The following CDHR4 variants were observed in gnomAD, a reference collection of about 807,000 sequenced individuals.
CDHR4 encodes cadherin-related family member 4.
In CDHR4, 89 loss-of-function variants were observed where a neutral mutation model predicts 88.4. The observed-to-expected ratio is 1.01, with a 90% CI of 0.85 to 1.20. The LOEUF (loss-of-function observed/expected upper bound fraction) is 1.20. CDHR4 is among the 50% of genes most tolerant of loss of function. The probability of loss-of-function intolerance (pLI) is 0.00; values close to 1 mark genes in which losing one functional copy is unlikely to be tolerated. For missense variants in CDHR4, 914 were observed against 1,007.2 expected, an observed-to-expected ratio of 0.91 and a Z score of 1.25; for synonymous variants, 368 against 399.2, an observed-to-expected ratio of 0.92 and a Z score of 0.93.
chr3:49,792,817 C>G, intron 14 of CDHR4, 37 bp downstream of exon 14: 16 of 1,502,592 alleles, frequency 1.1e-5, no homozygotes, highest in Non-Finnish European at 1.3e-5. Context: ...AAGGTCCACC[C>G]TTCCCACCCT....
upstream of CDHR4, chr3:49,799,944 C>A (rs532219593): frequency 4.7e-4 from 376 of 797,996 alleles, no homozygotes; most frequent in Non-Finnish European, 5.8e-4. Context: ...AGATTCTATC[C>A]CCACCCATCC....
chr3:49,794,052 C>T (rs2081227527), intron 10 of CDHR4, 46 bp from the exon 11 acceptor site: 12 of 1,533,114 alleles, frequency 7.8e-6, no homozygotes, highest in Non-Finnish European at 1.1e-5. Flanking sequence ...GGTAACTATC[C>T]CTGAACTGGG....
At position 49,797,946 on chromosome 3, in the gene CDHR4, G is replaced by A. The variant is rs1410527514; in HGVS notation, c.495+880C>T. Among the ~76,000 whole-genome samples, 13 of 119,006 alleles carry A rather than the reference G, an allele frequency of 1.1e-4. No homozygotes were observed. The South Asian group carries it at 3.1e-3, about 28-fold the overall frequency. 78.1% of individuals were successfully genotyped at this position (119,006 alleles called of 152,430 possible). On this transcript the variant is annotated intron_variant, in intron 4 of 18. Coordinates refer to ENST00000412678, the MANE Select transcript of CDHR4 (RefSeq NM_001007540.4). ...TTTTTTTGAGACAGAGTCTTGTTCTGTCACCCAGCCTGGAGCAGTGGCACA... is the reference window on the plus strand; with the variant it reads ...TTTTTTTGAGACAGAGTCTTGTTCTATCACCCAGCCTGGAGCAGTGGCACA...
At chr3:49,793,392 C>T (rs1339698756) in intron 12 of CDHR4, 81 bp from the exon 13 acceptor site, 1 of 1,494,744 alleles carries the variant, frequency 6.7e-7, no homozygotes, top group East Asian at 2.5e-5. Context: ...CTTCTCACCA[C>T]AGCCGTAGCC....
chr3:49,797,253 C>T (rs1024510908), intron 4 of CDHR4, among the ~76,000 whole-genome samples: 2 of 150,776 alleles, frequency 1.3e-5, no homozygotes, highest in Admixed American at 1.3e-4. Context: ...TTCTTTCCTT[C>T]TCTCTTCCTC....
intron 4 of CDHR4, 138 bp from the exon 5 acceptor site, chr3:49,797,170 C>T (rs927248874): frequency 3.0e-5 from 18 of 591,716 alleles, no homozygotes; most frequent in Middle Eastern, 4.3e-4. Context: ...TTCCTTCTTT[C>T]CTTTCTTTCC....
Position 49,792,625 on chromosome 3 carries a change from A to G in CDHR4, c.1996-15T>C. On this transcript the variant is annotated splice_polypyrimidine_tract_variant and intron_variant, in intron 14 of 18. Coordinates refer to ENST00000412678, the MANE Select transcript of CDHR4 (RefSeq NM_001007540.4). ...GTTGAGGGCACCTGAAAAGGAGGCC[A>G]CAGCCTCACCACTGCCTTGCCAAAA... is the stretch of plus-strand genomic sequence containing the variant. The G allele has an allele frequency of 1.3e-6, 2 of 1,551,504 alleles. No individual in the cohort carries two copies. Among genetic ancestry groups the G allele is most frequent in the East Asian group, 2.4e-5 (1 of 40,918 alleles).
intron 4 of CDHR4, 35 bp downstream of exon 4, chr3:49,798,791 A>G (rs1215518832): frequency 6.3e-7 from 1 of 1,593,026 alleles, no homozygotes; most frequent in Admixed American, 1.7e-5. Context: ...CCCCACCCCC[A>G]TCCTGTCACC....
upstream of CDHR4, among the ~76,000 whole-genome samples, chr3:49,801,945 A>G (rs2081366490): frequency 6.6e-6 from 1 of 152,076 alleles, no homozygotes; most frequent in East Asian, 1.9e-4. Context: ...TCCTCATCAC[A>G]CCAAGAACAA....
chr3:49,794,437 C>T (rs764799055), intron 10 of CDHR4, among the ~76,000 whole-genome samples, 171 bp downstream of exon 10: 1 of 151,644 alleles, frequency 6.6e-6, no homozygotes, highest in Non-Finnish European at 1.5e-5. Context: ...AAAGGGAGGG[C>T]AGAAGCCTTC....
rs757219790 is a variant in CDHR4 at position 49,792,939 on chromosome 3, G to C, written c.1910C>G (p.Pro637Arg). 3.2e-6 allele frequency: 5 copies of C among 1,551,566 alleles called. No individual in the cohort carries two copies. The highest frequency in any genetic ancestry group is 1.4e-5 in the African/African-American group (1 of 73,054). ...AATGGTGGCTGTGGTGCTGAGGTGG[G>C]GGGTGGAGGGGCCTGCATCGGCCAC... is the stretch of plus-strand genomic sequence containing the variant. ...ICVADAGPST[P>R]HLSTTATIIV... Residue 637 changes from proline (P) to arginine (R), a missense_variant, in exon 14 of 19, where the codon CCC becomes CGC. Pro to Arg is a moderately radical substitution (Grantham distance 103, BLOSUM62 -2). Coordinates refer to ENST00000412678, the MANE Select transcript of CDHR4 (RefSeq NM_001007540.4).
intron 1 of CDHR4, 135 bp downstream of exon 1, chr3:49,799,629 A>G: frequency 4.7e-6 from 5 of 1,068,434 alleles, no homozygotes; most frequent in Non-Finnish European, 6.8e-6. Flanking sequence ...GGCCAAGAGA[A>G]GGGGTGAGGG....
rs1253502394 is a variant in CDHR4, at chr3:49,792,464, C to G, written c.2138+4G>C. On this transcript the variant is annotated splice_donor_region_variant and intron_variant, in intron 15 of 18. Coordinates refer to ENST00000412678, the MANE Select transcript of CDHR4 (RefSeq NM_001007540.4). ...AGTAGGGAGCACAAGGATAGGATCC[C>G]TACCCCTGGAGGAGCCTGCCAAGAA... 1.9e-6 allele frequency: 3 copies of G among 1,551,444 alleles called. No homozygotes were observed. Among genetic ancestry groups the G allele is most frequent in the Non-Finnish European group, 2.6e-6 (3 of 1,146,916 alleles).
At position 49,797,042 on chromosome 3, in the gene CDHR4, C is replaced by A. The variant is rs565151775; in HGVS notation, c.496-10G>T. 4.8e-5 allele frequency: 74 copies of A among 1,550,204 alleles called. No individual in the cohort carries two copies. The highest frequency in any genetic ancestry group is 6.5e-5 in the Non-Finnish European group (74 of 1,145,810). ...CACTGATAATGCTCATCTGACAGAA[C>A]AGAGATGCTGGCAACCACATTCAGC... is the stretch of plus-strand genomic sequence containing the variant. On this transcript the variant is annotated splice_polypyrimidine_tract_variant and intron_variant, in intron 4 of 18. Coordinates refer to ENST00000412678, the MANE Select transcript of CDHR4 (RefSeq NM_001007540.4).
intron 5 of CDHR4, 139 bp from the exon 6 acceptor site, chr3:49,796,185 C>T: frequency 6.8e-6 from 4 of 592,282 alleles, no homozygotes; most frequent in Admixed American, 3.4e-5. Flanking sequence ...CCCATGATCC[C>T]CATGACCTGT....
chr3:49,791,673 C>A, intron 17 of CDHR4, 41 bp downstream of exon 17: 2 of 1,547,386 alleles, frequency 1.3e-6, no homozygotes, highest in Middle Eastern at 1.7e-4. Context: ...TACTCTGAAG[C>A]ACCCTTGGTG....
At chr3:49,802,563 A>G (rs961942509), upstream of CDHR4, among the ~76,000 whole-genome samples, 1 of 151,966 alleles carries the variant, frequency 6.6e-6, no homozygotes, top group Non-Finnish European at 1.5e-5. Flanking sequence ...ATTCCCTGGT[A>G]TTTTCCTGTT....
intron 15 of CDHR4, 90 bp from the exon 16 acceptor site, chr3:49,792,049 G>GTTGTTCCCAATATAAA: frequency 1.5e-6 from 2 of 1,316,042 alleles, no homozygotes; most frequent in East Asian, 2.5e-5. Context: ...CTTTATATTG[G>GTTGTTCCCAATATAAA]GAACAACCAA....
chr3:49,801,761 C>A (rs1422869931), upstream of CDHR4, among the ~76,000 whole-genome samples: 1 of 152,208 alleles, frequency 6.6e-6, no homozygotes, highest in African/African-American at 2.4e-5. Flanking sequence ...CCAAAACATA[C>A]CCCAAAGTGA....
Sources: allele counts gnomAD v4.1 joint callset (sites outside exome capture counted in the v4.1 genomes callset), GRCh38; gene constraint gnomAD v4.1.1; transcripts MANE v1.5; gene names NCBI Gene and HGNC (gene_info 2026-07-23, HGNC 2026-07-21).